Variants in ADCY9 observed in about 807,000 individuals in gnomAD.
The protein encoded by ADCY9 is adenylate cyclase 9, also known as adenylate cyclase type 9.
In ADCY9, 50 loss-of-function variants were observed where a neutral mutation model predicts 101.5. That is an observed-to-expected ratio of 0.49 (90% CI 0.39 to 0.62). The LOEUF (loss-of-function observed/expected upper bound fraction) is 0.62. Among genes scored for constraint, ADCY9 ranks in the 20% least tolerant of loss-of-function variants. ADCY9 has a pLI of 0.00. For synonymous variants in ADCY9, 905 were observed against 769.3 expected, an observed-to-expected ratio of 1.18 and a Z score of -2.92; for missense variants, 1,662 against 1,800.4, an observed-to-expected ratio of 0.92 and a Z score of 1.39.
At chr16:3,998,338 G>A (rs1393207536) in intron 3 of ADCY9, among the ~76,000 whole-genome samples, 2 of 152,140 alleles carry the variant, frequency 1.3e-5, no homozygotes. Flanking sequence ...TTGAGCCCAG[G>A]AGGGAGAGGC....
At chr16:4,021,876 G>A (rs757301461) in intron 2 of ADCY9, among the ~76,000 whole-genome samples, 5 of 152,090 alleles carry the variant, frequency 3.3e-5, no homozygotes, top group Admixed American at 6.5e-5. Context: ...CCATAATAAC[G>A]CCTTCTGGAA....
intron 3 of ADCY9, among the ~76,000 whole-genome samples, chr16:4,004,595 A>G (rs989854027): frequency 5.3e-5 from 8 of 152,238 alleles, no homozygotes; most frequent in African/African-American, 1.9e-4. Context: ...AAAAAGCCAA[A>G]AAGAAACTGT....
At chr16:3,967,543 C>T (rs2056010247) in intron 10 of ADCY9, among the ~76,000 whole-genome samples, 1 of 151,794 alleles carries the variant, frequency 6.6e-6, no homozygotes, top group African/African-American at 2.4e-5. Flanking sequence ...GCATGTACCA[C>T]CACACCTAGC....
intron 2 of ADCY9, chr16:4,033,079 T>C (rs2056566956): frequency 6.6e-6 from 1 of 152,228 alleles, no homozygotes; most frequent in Non-Finnish European, 1.5e-5. Context: ...TAACTTAGAC[T>C]TCAGACTGAT....
intron 2 of ADCY9, among the ~76,000 whole-genome samples, chr16:4,111,056 A>T (rs1404300943): frequency 1.3e-5 from 2 of 152,190 alleles, no homozygotes. Context: ...CAGATTTCAG[A>T]GTGAAGGAAT....
chr16:3,959,773 C>T (rs1419802966), downstream of ADCY9, among the ~76,000 whole-genome samples: 5 of 152,148 alleles, frequency 3.3e-5, no homozygotes, highest in Non-Finnish European at 7.3e-5. Context: ...TGGCTGTAAT[C>T]CTAGCACTCT....
intron 2 of ADCY9, among the ~76,000 whole-genome samples, chr16:4,045,594 TAAAAAA>T (rs545715002): frequency 4.6e-4 from 30 of 64,958 alleles, no homozygotes; most frequent in African/African-American, 7.9e-4. Flanking sequence ...GACTCTGCCT[TAAAAAA>T]AAAAAAAAAA....
intron 2 of ADCY9, among the ~76,000 whole-genome samples, chr16:4,038,824 T>C (rs1032128741): frequency 5.3e-5 from 8 of 151,896 alleles, no homozygotes; most frequent in Non-Finnish European, 1.5e-5. Context: ...TCCACTACTT[T>C]CCTTCCACTC....
At chr16:3,971,131 G>A (rs1300657689) in intron 10 of ADCY9, among the ~76,000 whole-genome samples, 2 of 152,080 alleles carry the variant, frequency 1.3e-5, no homozygotes, top group African/African-American at 4.8e-5. Context: ...AGAGGCGGGA[G>A]ACCTGAACAG....
chr16:3,989,136 C>T (rs1190620512), intron 5 of ADCY9, 40 bp from the exon 6 acceptor site: 6 of 1,442,078 alleles, frequency 4.2e-6, no homozygotes, highest in Non-Finnish European at 5.9e-6. Context: ...ATACCCAGCA[C>T]CATAACTGTG....
At chr16:4,053,822 C>T (rs920977450) in intron 2 of ADCY9, among the ~76,000 whole-genome samples, 12 of 152,114 alleles carry the variant, frequency 7.9e-5, no homozygotes, top group African/African-American at 1.9e-4. Context: ...CCAGACGACT[C>T]TTTCTCGGTA....
chr16:4,096,361 T>C (rs535581303), intron 2 of ADCY9, among the ~76,000 whole-genome samples: 111 of 152,312 alleles, frequency 7.3e-4, no homozygotes, highest in African/African-American at 2.4e-3. Flanking sequence ...TTTACCAATA[T>C]GAAAAAAGCA....
At chr16:3,981,708 C>T (rs2056144560) in intron 7 of ADCY9, 1 of 152,102 alleles carries the variant, frequency 6.6e-6, no homozygotes, top group Admixed American at 6.5e-5. Flanking sequence ...ATTCTCCTGC[C>T]TCAGCCTCCC....
intron 6 of ADCY9, among the ~76,000 whole-genome samples, chr16:3,986,598 C>T (rs2141694881): frequency 6.6e-6 from 1 of 152,248 alleles, no homozygotes; most frequent in Middle Eastern, 3.4e-3. Flanking sequence ...GCTGGGATTA[C>T]AGGCGCCCGC....
intron 2 of ADCY9, among the ~76,000 whole-genome samples, chr16:4,016,234 G>T (rs972547021): frequency 6.6e-6 from 1 of 152,194 alleles, no homozygotes; most frequent in African/African-American, 2.4e-5. Flanking sequence ...ACAATGAGTT[G>T]CAGACAACAA....
At chr16:4,087,521 G>A (rs2141185690) in intron 2 of ADCY9, among the ~76,000 whole-genome samples, 1 of 144,168 alleles carries the variant, frequency 6.9e-6, no homozygotes, top group East Asian at 2.1e-4. Context: ...GGGCAACAGA[G>A]CGAGATTCCA....
At chr16:4,056,864 G>C (rs935531016) in intron 2 of ADCY9, among the ~76,000 whole-genome samples, 1 of 152,178 alleles carries the variant, frequency 6.6e-6, no homozygotes, top group Admixed American at 6.5e-5. Flanking sequence ...CAGGTTGCCT[G>C]TTCTGAAGCT....
At chr16:4,099,020 C>A (rs1188217264) in intron 2 of ADCY9, among the ~76,000 whole-genome samples, 3 of 152,104 alleles carry the variant, frequency 2.0e-5, no homozygotes, top group Non-Finnish European at 4.4e-5. Flanking sequence ...GCAACCTCTG[C>A]CTCCCAGGTT....
intron 3 of ADCY9, among the ~76,000 whole-genome samples, chr16:4,000,688 G>C (rs111278796): frequency 0.028 from 4,230 of 151,838 alleles, 187 homozygotes; most frequent in African/African-American, 0.096. Flanking sequence ...CACACGGGGC[G>C]GAGTCGAAAA....
Sources: allele counts gnomAD v4.1 joint callset (sites outside exome capture counted in the v4.1 genomes callset), GRCh38; gene constraint gnomAD v4.1.1; transcripts MANE v1.5; gene names NCBI Gene and HGNC (gene_info 2026-07-23, HGNC 2026-07-21).